FBXO41: variants seen among roughly 807,000 people sequenced by gnomAD.
The protein encoded by FBXO41 is F-box protein 41, also known as F-box only protein 41.
A neutral mutation model predicts 81.6 loss-of-function variants in FBXO41; 33 were observed. That is an observed-to-expected ratio of 0.40 (90% CI 0.31 to 0.54). FBXO41 has a LOEUF of 0.54. Ranked by LOEUF, FBXO41 falls within the 20% of genes least tolerant of loss-of-function variation. FBXO41 has a pLI of 0.39. For synonymous variants in FBXO41, 576 were observed against 552.7 expected, an observed-to-expected ratio of 1.04 and a Z score of -0.59; for missense variants, 1,107 against 1,236.0, an observed-to-expected ratio of 0.90 and a Z score of 1.56.
At chr2:73,276,332 C>T (rs1045072317) in intron 1 of FBXO41, among the ~76,000 whole-genome samples, 6 of 151,558 alleles carry the variant, frequency 4.0e-5, no homozygotes, top group Admixed American at 6.6e-5. Flanking sequence ...ATCACTTAAA[C>T]CCGGGAGGTG....
intron 1 of FBXO41, among the ~76,000 whole-genome samples, chr2:73,280,300 A>G (rs555747034): frequency 1.2e-4 from 19 of 152,166 alleles, no homozygotes; most frequent in Non-Finnish European, 2.4e-4. Flanking sequence ...GACCACTGAT[A>G]TTGTCTAACT....
In FBXO41 at chr2:73,269,197, T is replaced by C. The variant is rs1368425733; in HGVS notation, c.434A>G (p.Tyr145Cys). The C allele has an allele frequency of 9.8e-6, 15 of 1,526,590 alleles. No homozygotes were observed. Among genetic ancestry groups the C allele is most frequent in the Non-Finnish European group, 1.1e-5 (13 of 1,139,680 alleles). The allele number at this position is 1,526,590 out of a possible 1,614,324, so 94.6% of individuals were successfully genotyped here. ...CGGGATCTCGATCTCGCGCAGCGCA[T>C]AGCGCGCTGCTGCGGCGGGCACAAG... is the stretch of plus-strand genomic sequence containing the variant. Reference protein sequence around the residue: ...PGLVPAAAARYALREIEIPLG... With the variant: ...PGLVPAAAARCALREIEIPLG... Residue 145 changes from tyrosine (Y) to cysteine (C), a missense_variant, in exon 2 of 13, where the codon TAT becomes TGT. By Grantham distance (194) the Tyr-to-Cys change is radical. Transcript: ENST00000520530. This position sits in a 1 kb window ranked among gnomAD's most constrained non-coding sequence, Gnocchi z 7.0.
chr2:73,260,252 C>T lies in FBXO41; in HGVS notation c.2449+137G>A. ...GGTCAGTCAGGCTCTAGAACCAGTGCTCTTAACCTGTCCCCCTGCCTCTGC... is the reference window on the plus strand; with the variant it reads ...GGTCAGTCAGGCTCTAGAACCAGTGTTCTTAACCTGTCCCCCTGCCTCTGC... On this transcript the variant is annotated intron_variant, in intron 11 of 12. Coordinates refer to ENST00000520530, the MANE Select transcript of FBXO41 (RefSeq NM_001371389.2). This position sits in a 1 kb window ranked among gnomAD's most constrained non-coding sequence, Gnocchi z 5.0. 1 of 1,201,014 alleles carries T rather than the reference C, an allele frequency of 8.3e-7. No homozygotes were observed. Among genetic ancestry groups the T allele is most frequent in the Non-Finnish European group, 1.2e-6 (1 of 862,016 alleles). The allele number at this position is 1,201,014 out of a possible 1,614,324, so 74.4% of individuals were successfully genotyped here.
At chr2:73,274,472 T>C (rs1688628102) in intron 1 of FBXO41, among the ~76,000 whole-genome samples, 2 of 152,256 alleles carry the variant, frequency 1.3e-5, no homozygotes, top group South Asian at 4.1e-4. Flanking sequence ...ATGGTCTTTA[T>C]TGATATACTA....
At chr2:73,263,583 C>T (rs1688100139) in intron 8 of FBXO41, 95 bp downstream of exon 8, 1 of 1,506,050 alleles carries the variant, frequency 6.6e-7, no homozygotes, top group Admixed American at 2.0e-5. Context: ...GATCCCTTTG[C>T]TTGAGAACCC....
intron 1 of FBXO41, among the ~76,000 whole-genome samples, chr2:73,278,272 C>T (rs1688751166): frequency 6.6e-6 from 1 of 152,110 alleles, no homozygotes; most frequent in Non-Finnish European, 1.5e-5. Flanking sequence ...TCTGTGAGGA[C>T]CTAGGTGTCT....
At chr2:73,282,491 C>G (rs563490345) in intron 1 of FBXO41, among the ~76,000 whole-genome samples, 1 of 152,186 alleles carries the variant, frequency 6.6e-6, no homozygotes, top group South Asian at 2.1e-4. Context: ...GGACTTGAGC[C>G]CAGGAGTTTG....
At chr2:73,274,359 T>C (rs528733941) in intron 1 of FBXO41, among the ~76,000 whole-genome samples, 36 of 152,356 alleles carry the variant, frequency 2.4e-4, no homozygotes, top group African/African-American at 8.4e-4. Flanking sequence ...AACATTCATA[T>C]TTTCTTATCG....
At position 73,269,464 on chromosome 2, in the gene FBXO41, GCCGCGGCGGCGGCGGCGC is replaced by G. The variant is rs1688414081; in HGVS notation, c.149_166del (p.Gly50_Ala55del). On this transcript the variant is annotated inframe_deletion, in exon 2 of 13. Transcript: ENST00000520530. This position sits in a 1 kb window ranked among gnomAD's most constrained non-coding sequence, Gnocchi z 7.0. ...GAACCCCGAGGCAGCGGCGGCGGCGGCCGCGGCGGCGGCGGCGCCGTCGCAGATGCTGTTGGTCTTGGA... is the reference window on the plus strand; with the variant it reads ...GAACCCCGAGGCAGCGGCGGCGGCGGCGTCGCAGATGCTGTTGGTCTTGGA... The G allele has an allele frequency of 1.6e-6, 2 of 1,261,654 alleles. No individual in the cohort carries two copies. The highest frequency in any genetic ancestry group is 2.0e-6 in the Non-Finnish European group (2 of 1,002,550). 78.2% of individuals were successfully genotyped at this position (1,261,654 alleles called of 1,614,324 possible). A position where few individuals can be genotyped will look rare whatever the true frequency, so the allele number is the denominator to read the frequency against.
In FBXO41 at chr2:73,281,137, G is replaced by A. The variant is rs146297450; in HGVS notation, c.-139+3023C>T. 6.0e-4 allele frequency among the ~76,000 whole-genome samples: 91 copies of A among 152,264 alleles called. 1 individual carries two copies. The highest frequency in any genetic ancestry group is 2.1e-3 in the African/African-American group (89 of 41,536). ...ATTCCATTTTATCCACCCAGCAAAC[G>A]ATGTCCAGCACAAGGCCCATGTTAG... is the stretch of plus-strand genomic sequence containing the variant. On this transcript the variant is annotated intron_variant, in intron 1 of 12. Transcript: ENST00000520530.
chr2:73,260,341 C>T lies in FBXO41; in HGVS notation c.2449+48G>A, dbSNP rs750453974. On this transcript the variant is annotated intron_variant, in intron 11 of 12. Coordinates refer to ENST00000520530, the MANE Select transcript of FBXO41 (RefSeq NM_001371389.2). The surrounding 1 kb of genome is among the most constrained non-coding windows in gnomAD (Gnocchi z 5.0). ...GTTAGGATACCTGCTGACAGGGCCC[C>T]GTGGCAGGTGATAGTCGTACCCTGC... is the stretch of plus-strand genomic sequence containing the variant. 3.2e-6 allele frequency: 5 copies of T among 1,578,896 alleles called. No homozygotes were observed. The highest frequency in any genetic ancestry group is 2.3e-5 in the East Asian group (1 of 43,382).
intron 1 of FBXO41, among the ~76,000 whole-genome samples, chr2:73,273,287 A>G (rs924713204): frequency 6.6e-6 from 1 of 152,212 alleles, no homozygotes; most frequent in African/African-American, 2.4e-5. Context: ...GGTGAGGGAT[A>G]GTTGCATTAT....
At position 73,266,664 on chromosome 2, in the gene FBXO41, G is replaced by C. The variant is rs376058936; in HGVS notation, c.924C>G (p.Asp308Glu). 6.3e-7 allele frequency: 1 copy of C among 1,593,940 alleles called. No individual in the cohort carries two copies. Among genetic ancestry groups the C allele is most frequent in the African/African-American group, 1.3e-5 (1 of 74,454 alleles). The change falls in exon 3 of 13, where the codon GAC becomes GAG. Residue 308 changes from aspartate to glutamate, a missense_variant. Around this residue, in one of 2 missense-constraint regions of FBXO41, gnomAD observed 771 missense variants for 789.2 expected, o/e 0.98. Transcript: ENST00000520530. This position sits in a 1 kb window ranked among gnomAD's most constrained non-coding sequence, Gnocchi z 5.3. ...GCGCCGCCGTCTCCTTCAGGAACTG[G>C]TCGATCTGCACCACCTCCCTGGGCC... Reference protein sequence around the residue: ...SRKQQEVVQIDQFLKETAARE... With the variant: ...SRKQQEVVQIEQFLKETAARE...
Position 73,268,752 on chromosome 2 carries a change from C to A in FBXO41, c.879G>T (p.Lys293Asn), listed in dbSNP as rs774834961. ...GCTGCTTGCGGCTCAGCTCCTGTTC[C>A]TTGTGCACCAGGTCCTGCTTGAGTG... ...LASLKQDLVH[K>N]EQELSRKQQE... The change falls in exon 2 of 13, where the codon AAG (lysine) becomes AAT (asparagine). Residue 293 changes from lysine to asparagine, a missense_variant. Around this residue, in one of 2 missense-constraint regions of FBXO41, gnomAD observed 771 missense variants for 789.2 expected, o/e 0.98. Transcript: ENST00000520530. The A allele has an allele frequency of 1.3e-6, 2 of 1,564,186 alleles. No homozygotes were observed. The highest frequency in any genetic ancestry group is 1.7e-6 in the Non-Finnish European group (2 of 1,152,578).
rs199960192 is a variant in FBXO41 at position 73,265,456 on chromosome 2, G to A, written c.1390C>T (p.Arg464Cys). The change falls in exon 5 of 13, where the codon CGC becomes TGC. Residue 464 changes from arginine (R) to cysteine (C), a missense_variant. This residue lies in a region of FBXO41 where 771 missense variants were observed against 789.2 expected (regional missense o/e 0.98). Transcript: ENST00000520530. ...CGCTGCCAGTTCTGGATGGCCTGGC[G>A]CCGCAGGCCTGAGCTGCGAGGGGGC... ...SQPPRSSGLR[R>C]QAIQNWQRRP... 1.4e-3 allele frequency: 2,216 copies of A among 1,605,852 alleles called. 1 individual carries two copies. The highest frequency in any genetic ancestry group is 1.8e-3 in the Non-Finnish European group (2,065 of 1,179,100).
intron 7 of FBXO41, 34 bp from the exon 8 acceptor site, chr2:73,263,864 C>A (rs1364677783): frequency 1.2e-6 from 2 of 1,614,072 alleles, no homozygotes; most frequent in Admixed American, 3.3e-5. Context: ...GAGCTGGCAA[C>A]CTCCTCCTCT....
At chr2:73,264,611 G>C (rs1688162163) in intron 5 of FBXO41, 92 bp from the exon 6 acceptor site, 2 of 1,551,938 alleles carry the variant, frequency 1.3e-6, no homozygotes, top group Non-Finnish European at 1.7e-6. Flanking sequence ...AGGATCTGCA[G>C]AGGAATGGAC....
rs776626029 is a variant in FBXO41, at chr2:73,260,867, TG to T, written c.2172-10del. 4.5e-6 allele frequency: 7 copies of T among 1,551,418 alleles called. No individual in the cohort carries two copies. The highest frequency in any genetic ancestry group is 4.4e-6 in the Non-Finnish European group (5 of 1,145,862). ...AGCGTGTGGGCTGCTGGCTGGAGAA[TG>T]GGAAGGGGGAGCCGTCAGGGAAGTC... On this transcript the variant is annotated splice_polypyrimidine_tract_variant and intron_variant, in intron 9 of 12. Coordinates refer to ENST00000520530, the MANE Select transcript of FBXO41 (RefSeq NM_001371389.2). The surrounding 1 kb of genome is among the most constrained non-coding windows in gnomAD (Gnocchi z 5.0).
Position 73,266,882 on chromosome 2 carries a change from G to A in FBXO41, c.906-200C>T. The A allele has an allele frequency of 1.3e-6, 1 of 765,542 alleles. No homozygotes were observed. Among genetic ancestry groups the A allele is most frequent in the Non-Finnish European group, 1.9e-6 (1 of 533,706 alleles). 47.4% of individuals were successfully genotyped at this position (765,542 alleles called of 1,614,324 possible). ...ACAGAAATGCATGCATGCACTCCGAGCCACACACTCACACCCCACCCACCT... is the reference window on the plus strand; with the variant it reads ...ACAGAAATGCATGCATGCACTCCGAACCACACACTCACACCCCACCCACCT... On this transcript the variant is annotated intron_variant, in intron 2 of 12. Transcript: ENST00000520530. The surrounding 1 kb of genome is among the most constrained non-coding windows in gnomAD (Gnocchi z 5.3).
Sources: allele counts gnomAD v4.1 joint callset (sites outside exome capture counted in the v4.1 genomes callset), GRCh38; gene constraint gnomAD v4.1.1; regional missense constraint gnomAD v4.1.1; non-coding constraint Gnocchi (gnomAD v3.1); transcripts MANE v1.5; gene names NCBI Gene and HGNC (gene_info 2026-07-23, HGNC 2026-07-21).